Variants in WDR49 observed in about 807,000 individuals in gnomAD.
WDR49 encodes cilia- and flagella-associated protein 337.
In WDR49, 107 loss-of-function variants were observed where a neutral mutation model predicts 119.5. The observed-to-expected ratio is 0.90, with a 90% CI of 0.77 to 1.05. The LOEUF (loss-of-function observed/expected upper bound fraction) is 1.05, where lower values mean the gene tolerates loss of function less well. WDR49 is among the 50% of genes least tolerant of loss of function. WDR49 has a pLI of 0.00. For missense variants in WDR49, 1,240 were observed against 1,220.5 expected (o/e 1.02, Z -0.24); for synonymous variants, 425 against 418.8 (o/e 1.01, Z -0.18).
chr3:167,650,471 T>G (rs1253654411), intron 2 of WDR49, among the ~76,000 whole-genome samples: 2 of 152,216 alleles, frequency 1.3e-5, no homozygotes, highest in Non-Finnish European at 2.9e-5. Context: ...TACTTTTCTG[T>G]GCTTCTACCC....
intron 18 of WDR49, among the ~76,000 whole-genome samples, chr3:167,497,875 C>CTTTTT (rs10634534): frequency 8.6e-5 from 11 of 128,194 alleles, no homozygotes; most frequent in Non-Finnish European, 6.5e-5. Flanking sequence ...CATATTCATT[C>CTTTTT]TTTTTTTTTT....
At chr3:167,611,650 C>T (rs1483102659) in intron 5 of WDR49, among the ~76,000 whole-genome samples, 3 of 151,992 alleles carry the variant, frequency 2.0e-5, no homozygotes, top group Non-Finnish European at 4.4e-5. Flanking sequence ...AAAGATATCC[C>T]ACGCCAATGA....
chr3:167,573,761 A>G (rs1024129780), intron 8 of WDR49, among the ~76,000 whole-genome samples: 19 of 152,148 alleles, frequency 1.2e-4, no homozygotes, highest in Non-Finnish European at 1.9e-4. Context: ...TGTTTCCAAG[A>G]CCAGACAGTG....
intron 5 of WDR49, among the ~76,000 whole-genome samples, chr3:167,614,396 A>G (rs1716499563): frequency 6.6e-6 from 1 of 152,124 alleles, no homozygotes; most frequent in Non-Finnish European, 1.5e-5. Flanking sequence ...ACCTGGCCTC[A>G]TTCTTTCAAT....
At chr3:167,496,883 C>T (rs1222356381) in intron 18 of WDR49, among the ~76,000 whole-genome samples, 1 of 151,968 alleles carries the variant, frequency 6.6e-6, no homozygotes, top group Non-Finnish European at 1.5e-5. Context: ...AAACTTAACA[C>T]ATTCCAAACA....
At chr3:167,638,169 T>C (rs1010059336) in intron 2 of WDR49, among the ~76,000 whole-genome samples, 2 of 151,646 alleles carry the variant, frequency 1.3e-5, no homozygotes, top group African/African-American at 4.8e-5. Context: ...AAAAGGTATC[T>C]TGTATGGACT....
chr3:167,548,080 G>C (rs1228933608), intron 10 of WDR49, among the ~76,000 whole-genome samples: 4 of 151,972 alleles, frequency 2.6e-5, no homozygotes, highest in African/African-American at 7.2e-5. Context: ...TGAATACTTT[G>C]ATAAAACAAC....
intron 8 of WDR49, among the ~76,000 whole-genome samples, chr3:167,564,836 T>A (rs1713498086): frequency 6.6e-6 from 1 of 152,198 alleles, no homozygotes; most frequent in South Asian, 2.1e-4. Context: ...CACCTAATTG[T>A]CTTATTGCTA....
intron 16 of WDR49, among the ~76,000 whole-genome samples, chr3:167,519,896 G>A (rs1313402254): frequency 6.6e-6 from 1 of 152,068 alleles, no homozygotes; most frequent in Non-Finnish European, 1.5e-5. Context: ...CAGGAAAGAA[G>A]AGTTCAAACA....
intron 18 of WDR49, among the ~76,000 whole-genome samples, chr3:167,481,406 GA>G (rs1326368428): frequency 2.6e-5 from 4 of 151,624 alleles, no homozygotes; most frequent in Admixed American, 2.6e-4. Flanking sequence ...GAAAAAGAGG[GA>G]AAAAATCACA....
At chr3:167,499,463 A>G (rs938340464) in intron 18 of WDR49, among the ~76,000 whole-genome samples, 1 of 152,210 alleles carries the variant, frequency 6.6e-6, no homozygotes, top group African/African-American at 2.4e-5. Flanking sequence ...CTTCCCCTGC[A>G]GTGTCCATGT....
In WDR49 at chr3:167,653,469, G is replaced by A. The variant is rs1317982508; in HGVS notation, c.-44C>T. On this transcript the variant is annotated 5_prime_UTR_variant, in exon 2 of 19. Coordinates refer to ENST00000682715, the MANE Select transcript of WDR49 (RefSeq NM_001366157.1). ...CAGTTGCCTTCAACTATTTCTATAA[G>A]GATGGATCTTCTTTTTCCTTCAACA... is the stretch of plus-strand genomic sequence containing the variant. 4 of 1,429,986 alleles carry A rather than the reference G, an allele frequency of 2.8e-6. No individual in the cohort carries two copies. The highest frequency in any genetic ancestry group is 2.7e-6 in the Non-Finnish European group (3 of 1,098,614). 88.6% of individuals were successfully genotyped at this position (1,429,986 alleles called of 1,614,324 possible). A position where few individuals can be genotyped will look rare whatever the true frequency, so the allele number is the denominator to read the frequency against.
At chr3:167,611,243 G>T (rs1297167157) in intron 5 of WDR49, among the ~76,000 whole-genome samples, 3 of 152,136 alleles carry the variant, frequency 2.0e-5, no homozygotes, top group South Asian at 2.1e-4. Context: ...CTTTGTGTTT[G>T]TTTATGCAAA....
At chr3:167,591,097 T>C (rs1225790656) in intron 7 of WDR49, among the ~76,000 whole-genome samples, 2 of 152,118 alleles carry the variant, frequency 1.3e-5, no homozygotes, top group East Asian at 1.9e-4. Flanking sequence ...GGTTTTGGTA[T>C]GCCATGTTTC....
intron 18 of WDR49, among the ~76,000 whole-genome samples, chr3:167,480,517 A>G (rs1023584992): frequency 6.6e-6 from 1 of 152,208 alleles, no homozygotes; most frequent in Non-Finnish European, 1.5e-5. Flanking sequence ...AGTGTAAACT[A>G]TACTGTAGAG....
chr3:167,593,384 A>G (rs1715239269), intron 7 of WDR49, among the ~76,000 whole-genome samples: 1 of 151,768 alleles, frequency 6.6e-6, no homozygotes, highest in Non-Finnish European at 1.5e-5. Context: ...TGATTCTGCT[A>G]TTAAAACACT....
intron 16 of WDR49, among the ~76,000 whole-genome samples, chr3:167,507,040 C>T (rs1217341536): frequency 6.6e-6 from 1 of 152,092 alleles, no homozygotes; most frequent in African/African-American, 2.4e-5. Flanking sequence ...AATTACCTGG[C>T]CACAGTTGTA....
At chr3:167,573,905 CA>C (rs1267473914) in intron 8 of WDR49, among the ~76,000 whole-genome samples, 1 of 152,306 alleles carries the variant, frequency 6.6e-6, no homozygotes, top group East Asian at 1.9e-4. Context: ...CGTGAGTGCT[CA>C]AGCTTCTTTG....
intron 18 of WDR49, among the ~76,000 whole-genome samples, chr3:167,487,273 T>C (rs1312794299): frequency 6.6e-6 from 1 of 152,010 alleles, no homozygotes; most frequent in East Asian, 1.9e-4. Flanking sequence ...AAACAACCAA[T>C]GGAAAAAGGA....
Sources: gnomAD v4.1 joint callset for allele counts (sites outside exome capture counted in the v4.1 genomes callset) on GRCh38, gnomAD v4.1.1 for gene constraint, MANE v1.5 for transcripts, NCBI Gene and HGNC (gene_info 2026-07-23, HGNC 2026-07-21) for gene names.